Variants in PEAK1 observed in about 807,000 individuals in gnomAD.
PEAK1 encodes inactive tyrosine-protein kinase PEAK1.
In PEAK1, 54 loss-of-function variants were observed where a neutral mutation model predicts 124.7. The ratio of observed to expected loss-of-function variants is 0.43; its 90% CI spans 0.35 to 0.54. PEAK1 has a LOEUF of 0.54. Among genes scored for constraint, PEAK1 ranks in the 20% least tolerant of loss-of-function variants. PEAK1 has a pLI of 0.01. For synonymous variants in PEAK1, 719 were observed against 760.0 expected, an observed-to-expected ratio of 0.95 and a Z score of 0.89; for missense variants, 2,046 against 2,134.5, an observed-to-expected ratio of 0.96 and a Z score of 0.82.
At chr15:77,150,586 T>C (rs181551893) in intron 8 of PEAK1, among the ~76,000 whole-genome samples, 58 of 152,202 alleles carry the variant, frequency 3.8e-4, no homozygotes, top group Middle Eastern at 6.8e-3. Flanking sequence ...TATGTATACA[T>C]GTGCCATGTT....
chr15:77,248,467 G>GT (rs1386864168), intron 6 of PEAK1, among the ~76,000 whole-genome samples: 1 of 152,144 alleles, frequency 6.6e-6, no homozygotes, highest in African/African-American at 2.4e-5. Flanking sequence ...TCATTTTGAG[G>GT]TGGAGCCTTT....
chr15:77,325,187 G>A (rs529820245), intron 2 of PEAK1, among the ~76,000 whole-genome samples: 1 of 152,186 alleles, frequency 6.6e-6, no homozygotes, highest in Non-Finnish European at 1.5e-5. Context: ...GGGAGGCCAA[G>A]GTGGGAGAAT....
intron 2 of PEAK1, among the ~76,000 whole-genome samples, chr15:77,344,574 G>C (rs1273753760): frequency 6.6e-6 from 1 of 152,154 alleles, no homozygotes; most frequent in Non-Finnish European, 1.5e-5. Flanking sequence ...ACAAATTTTA[G>C]GATACATTTT....
chr15:77,132,822 C>T (rs772317534), intron 9 of PEAK1, among the ~76,000 whole-genome samples, 183 bp downstream of exon 9: 11 of 151,346 alleles, frequency 7.3e-5, no homozygotes, highest in Admixed American at 1.3e-4. Flanking sequence ...TGTTAAGTTA[C>T]GTATCTGTTT....
chr15:77,379,296 A>T (rs1347480841), intron 1 of PEAK1, among the ~76,000 whole-genome samples: 1 of 152,162 alleles, frequency 6.6e-6, no homozygotes. Flanking sequence ...TCTAAGAGGA[A>T]CCTGAATTAG....
intron 2 of PEAK1, among the ~76,000 whole-genome samples, chr15:77,307,772 A>C (rs1043080008): frequency 1.3e-5 from 2 of 152,052 alleles, no homozygotes; most frequent in Non-Finnish European, 2.9e-5. Flanking sequence ...ACAATTTGGA[A>C]AGGATCTGGC....
At chr15:77,264,789 A>G (rs2061629629) in intron 5 of PEAK1, among the ~76,000 whole-genome samples, 1 of 152,094 alleles carries the variant, frequency 6.6e-6, no homozygotes, top group African/African-American at 2.4e-5. Flanking sequence ...AAGAGCCCGC[A>G]TCGCCAAGTC....
intron 5 of PEAK1, among the ~76,000 whole-genome samples, chr15:77,254,553 C>T (rs1452819077): frequency 1.3e-5 from 2 of 152,126 alleles, no homozygotes; most frequent in African/African-American, 4.8e-5. Context: ...CTGCCTCAGC[C>T]TCTTGAGTAG....
At chr15:77,375,640 A>C (rs1206308819) in intron 1 of PEAK1, among the ~76,000 whole-genome samples, 2 of 152,216 alleles carry the variant, frequency 1.3e-5, no homozygotes, top group Non-Finnish European at 2.9e-5. Context: ...AAATGATCAA[A>C]AATTAAGCAC....
At chr15:77,166,120 A>T (rs2056080024) in intron 7 of PEAK1, among the ~76,000 whole-genome samples, 1 of 152,232 alleles carries the variant, frequency 6.6e-6, no homozygotes, top group African/African-American at 2.4e-5. Context: ...TAAATAAACA[A>T]ACCAAAAAAG....
chr15:77,286,528 A>G, intron 2 of PEAK1, 24 bp from the exon 3 acceptor site: 2 of 1,129,100 alleles, frequency 1.8e-6, no homozygotes, highest in Non-Finnish European at 2.2e-6. Flanking sequence ...CAAAGTGGGG[A>G]AGATATATTA....
chr15:77,404,101 AG>A, intron 1 of PEAK1: 1 of 984,948 alleles, frequency 1.0e-6, no homozygotes, highest in Non-Finnish European at 1.2e-6. Flanking sequence ...TATATCCAGT[AG>A]GCCTTTAGAC....
intron 5 of PEAK1, among the ~76,000 whole-genome samples, chr15:77,281,618 G>T (rs1435966874): frequency 6.6e-6 from 1 of 151,930 alleles, no homozygotes; most frequent in Non-Finnish European, 1.5e-5. Flanking sequence ...TTTCATAAAA[G>T]AAATAAAAAG....
chr15:77,220,184 T>G lies in PEAK1; in HGVS notation c.-115+32183A>C, dbSNP rs2059323802. 2.6e-5 allele frequency among the ~76,000 whole-genome samples: 4 copies of G among 152,222 alleles called. No individual in the cohort carries two copies. In the South Asian group the frequency reaches 8.3e-4, roughly 32 times the overall value. ...TCAATGAAAAGACTGTCAGTTAAAATTCTTCATGAGAAACTTGGTAAAAAA... is the reference window on the plus strand; with the variant it reads ...TCAATGAAAAGACTGTCAGTTAAAAGTCTTCATGAGAAACTTGGTAAAAAA... On this transcript the variant is annotated intron_variant, in intron 6 of 9. Coordinates refer to ENST00000682557, the MANE Select transcript of PEAK1 (RefSeq NM_001385026.1).
chr15:77,115,732 C>T (rs1242102411), intron 9 of PEAK1, among the ~76,000 whole-genome samples: 1 of 152,158 alleles, frequency 6.6e-6, no homozygotes, highest in Non-Finnish European at 1.5e-5. Flanking sequence ...GTTTGTAGCC[C>T]AGAATGATAC....
intron 6 of PEAK1, among the ~76,000 whole-genome samples, chr15:77,215,395 A>G (rs1046159037): frequency 7.9e-5 from 12 of 152,202 alleles, no homozygotes; most frequent in African/African-American, 7.2e-5. Context: ...GCTATCCCTC[A>G]GTGTCTCTGG....
intron 5 of PEAK1, among the ~76,000 whole-genome samples, chr15:77,280,423 A>C (rs1390865367): frequency 6.6e-6 from 1 of 152,202 alleles, no homozygotes; most frequent in Non-Finnish European, 1.5e-5. Flanking sequence ...AGAACTTTTT[A>C]AATTCTATCT....
At chr15:77,381,869 G>C (rs1187371971) in intron 1 of PEAK1, among the ~76,000 whole-genome samples, 1 of 152,178 alleles carries the variant, frequency 6.6e-6, no homozygotes, top group African/African-American at 2.4e-5. Context: ...GAACCTAATT[G>C]TATCTGAACT....
chr15:77,326,837 C>A (rs867633883), intron 2 of PEAK1, among the ~76,000 whole-genome samples: 22 of 152,028 alleles, frequency 1.4e-4, no homozygotes, highest in Non-Finnish European at 2.2e-4. Flanking sequence ...ACAAAGAGCT[C>A]GTGCTATAGG....
Sources: gnomAD v4.1 joint callset for allele counts (sites outside exome capture counted in the v4.1 genomes callset) on GRCh38, gnomAD v4.1.1 for gene constraint, MANE v1.5 for transcripts, NCBI Gene and HGNC (gene_info 2026-07-23, HGNC 2026-07-21) for gene names.